TGFBRAP1: variants seen among roughly 807,000 people sequenced by gnomAD.
The protein encoded by TGFBRAP1 is transforming growth factor beta receptor associated protein 1, also known as transforming growth factor-beta receptor-associated protein 1.
A neutral mutation model predicts 83.2 loss-of-function variants in TGFBRAP1; 20 were observed. The observed-to-expected ratio is 0.24, with a 90% CI of 0.17 to 0.35. The LOEUF is 0.35. Among genes scored for constraint, TGFBRAP1 ranks in the 10% least tolerant of loss-of-function variants. The pLI, the probability that TGFBRAP1 is intolerant of heterozygous loss-of-function variation, is 1.00. For missense variants in TGFBRAP1, 950 were observed against 1,099.4 expected (o/e 0.86, Z 1.92); for synonymous variants, 415 against 459.8 (o/e 0.90, Z 1.25).
Position 105,280,693 on chromosome 2 carries a change from G to C in TGFBRAP1, c.1152C>G (p.Ile384Met). The C allele has an allele frequency of 6.2e-7, 1 of 1,613,784 alleles. No individual in the cohort carries two copies. The highest frequency in any genetic ancestry group is 8.5e-7 in the Non-Finnish European group (1 of 1,179,788). ...RSGQLDVREL[I>M]SLYPFLLPTS... The stretch of plus-strand genomic sequence containing the variant: ...TGGGCAACAGGAAGGGGTAGAGAGA[G>C]ATCAGCTCCCGGACATCAAGCTGGC... Residue 384 changes from isoleucine (I) to methionine (M), a missense_variant, in exon 6 of 12, where the codon ATC becomes ATG. Transcript: ENST00000393359.
At chr2:105,280,199 A>T (rs1222720593) in intron 6 of TGFBRAP1, among the ~76,000 whole-genome samples, 183 bp downstream of exon 6, 3 of 152,220 alleles carry the variant, frequency 2.0e-5, no homozygotes, top group Non-Finnish European at 4.4e-5. Flanking sequence ...TGGTGGAGAC[A>T]GAGAGGGCAT....
intron 1 of TGFBRAP1, among the ~76,000 whole-genome samples, chr2:105,313,580 T>C (rs1432685829): frequency 6.6e-6 from 1 of 152,104 alleles, no homozygotes; most frequent in Non-Finnish European, 1.5e-5. Context: ...TTTATGAAAG[T>C]AGTAGAAAGT....
chr2:105,270,209 T>C (rs1374261385), intron 10 of TGFBRAP1, among the ~76,000 whole-genome samples: 1 of 152,244 alleles, frequency 6.6e-6, no homozygotes, highest in Non-Finnish European at 1.5e-5. Context: ...TGAGCTCATA[T>C]TATTCAAAAT....
chr2:105,293,030 C>A (rs971729786), intron 4 of TGFBRAP1, among the ~76,000 whole-genome samples: 1 of 151,364 alleles, frequency 6.6e-6, no homozygotes, highest in African/African-American at 2.4e-5. Flanking sequence ...ATTCACTGGA[C>A]GAGTTTGGAA....
intron 1 of TGFBRAP1, among the ~76,000 whole-genome samples, chr2:105,311,873 A>G (rs533634731): frequency 6.6e-6 from 1 of 151,714 alleles, no homozygotes; most frequent in East Asian, 1.9e-4. Context: ...GTACCACTGC[A>G]CTCCAGCCTG....
At chr2:105,311,063 G>T in intron 1 of TGFBRAP1, among the ~76,000 whole-genome samples, 1 of 147,178 alleles carries the variant, frequency 6.8e-6, no homozygotes, top group African/African-American at 2.5e-5. Context: ...TTGCAGTAAA[G>T]AATATTATAG....
rs927093816 is a variant in TGFBRAP1, at chr2:105,273,020, G to A, written c.1813-6C>T. 3.7e-6 allele frequency: 6 copies of A among 1,607,194 alleles called. No individual in the cohort carries two copies. Among genetic ancestry groups the A allele is most frequent in the Non-Finnish European group, 5.1e-6 (6 of 1,177,692 alleles). On this transcript the variant is annotated splice_polypyrimidine_tract_variant and splice_region_variant and intron_variant, in intron 9 of 11. Transcript: ENST00000393359. ...TGGGTGTGATACTCTTCTTTCTGCA[G>A]GAAACAGGGGGAGCCAAGCAGACAG... is the stretch of plus-strand genomic sequence containing the variant.
intron 5 of TGFBRAP1, among the ~76,000 whole-genome samples, chr2:105,281,379 T>G (rs1042787521): frequency 6.6e-6 from 1 of 152,166 alleles, no homozygotes; most frequent in African/African-American, 2.4e-5. Context: ...CCTGGCCCAG[T>G]GTCAGACCCA....
chr2:105,303,721 G>T (rs567919097), intron 2 of TGFBRAP1, among the ~76,000 whole-genome samples: 2 of 152,244 alleles, frequency 1.3e-5, no homozygotes, highest in East Asian at 3.9e-4. Context: ...CTTGACAGAG[G>T]TACTCCACCA....
intron 4 of TGFBRAP1, among the ~76,000 whole-genome samples, chr2:105,294,855 G>A (rs576073696): frequency 2.6e-5 from 4 of 152,308 alleles, no homozygotes; most frequent in African/African-American, 9.6e-5. Flanking sequence ...TGTGCACATG[G>A]TGTGTGTGCA....
chr2:105,307,423 A>G (rs961494784), intron 2 of TGFBRAP1, among the ~76,000 whole-genome samples, 191 bp downstream of exon 2: 4 of 152,122 alleles, frequency 2.6e-5, no homozygotes, highest in African/African-American at 9.7e-5. Flanking sequence ...TATGACTCCA[A>G]CCCCACGTTC....
At chr2:105,290,838 C>T (rs1285450854) in intron 4 of TGFBRAP1, among the ~76,000 whole-genome samples, 2 of 152,044 alleles carry the variant, frequency 1.3e-5, no homozygotes, top group African/African-American at 4.8e-5. Flanking sequence ...AACCTCATCT[C>T]TACTGAAAAT....
intron 2 of TGFBRAP1, 74 bp from the exon 3 acceptor site, chr2:105,298,779 T>TG: frequency 7.0e-7 from 1 of 1,429,800 alleles, no homozygotes; most frequent in Non-Finnish European, 9.3e-7. Flanking sequence ...TATGTCTGGA[T>TG]GCAGACCGAC....
At chr2:105,312,409 C>T (rs1225881127) in intron 1 of TGFBRAP1, among the ~76,000 whole-genome samples, 1 of 151,584 alleles carries the variant, frequency 6.6e-6, no homozygotes, top group Non-Finnish European at 1.5e-5. Context: ...AAATACATAC[C>T]CAGGTAGGGA....
At chr2:105,278,068 ATGTGTGTGTGTGTGTGTGTG>A (rs56983977) in intron 6 of TGFBRAP1, among the ~76,000 whole-genome samples, 49 of 145,382 alleles carry the variant, frequency 3.4e-4, no homozygotes, top group Non-Finnish European at 5.5e-4. Context: ...CAAAAAATAT[ATGTGTGTGTGTGTGTGTGTG>A]TGTGTGTGTG....
chr2:105,277,104 G>A (rs1677376015), intron 7 of TGFBRAP1, among the ~76,000 whole-genome samples: 1 of 152,220 alleles, frequency 6.6e-6, no homozygotes, highest in South Asian at 2.1e-4. Context: ...TGATTAGGGT[G>A]CAGGACCCCT....
downstream of TGFBRAP1, among the ~76,000 whole-genome samples, chr2:105,262,116 G>C (rs938813270): frequency 6.6e-6 from 1 of 152,168 alleles, no homozygotes; most frequent in African/African-American, 2.4e-5. Flanking sequence ...GTTAACACGA[G>C]AAGGGAACTC....
At position 105,296,548 on chromosome 2, in the gene TGFBRAP1, C is replaced by T. The variant is rs769590486; in HGVS notation, c.884-38G>A. On this transcript the variant is annotated intron_variant, in intron 3 of 11. Coordinates refer to ENST00000393359, the MANE Select transcript of TGFBRAP1 (RefSeq NM_004257.6). ...TCAGCATTGTTGGAAAGAGAAAAAACACACTGCCTGCAAAAAAACACACTG... is the reference window on the plus strand; with the variant it reads ...TCAGCATTGTTGGAAAGAGAAAAAATACACTGCCTGCAAAAAAACACACTG... 7.6e-6 allele frequency: 12 copies of T among 1,584,946 alleles called. No homozygotes were observed. In the African/African-American group the frequency reaches 1.6e-4, roughly 22 times the overall value.
chr2:105,293,911 A>G (rs548873463), intron 4 of TGFBRAP1, among the ~76,000 whole-genome samples: 27 of 152,352 alleles, frequency 1.8e-4, no homozygotes, highest in Middle Eastern at 3.4e-3. Context: ...ATGGGCCACA[A>G]ATCGCAGGTG....
Sources: gnomAD v4.1 joint callset for allele counts (sites outside exome capture counted in the v4.1 genomes callset) on GRCh38, gnomAD v4.1.1 for gene constraint, MANE v1.5 for transcripts, NCBI Gene and HGNC (gene_info 2026-07-23, HGNC 2026-07-21) for gene names.